The following RAD51B variants were observed in gnomAD, a reference collection of about 807,000 sequenced individuals.
RAD51B encodes the protein DNA repair protein RAD51 homolog 2.
In RAD51B, 38 loss-of-function variants were observed where a neutral mutation model predicts 42.2. The ratio of observed to expected loss-of-function variants is 0.90; its 90% CI spans 0.70 to 1.18. The LOEUF (loss-of-function observed/expected upper bound fraction) is 1.18, where lower values mean the gene tolerates loss of function less well. RAD51B is among the 50% of genes most tolerant of loss of function. The probability of loss-of-function intolerance (pLI) is 0.00; values close to 1 mark genes in which losing one functional copy is unlikely to be tolerated. For missense variants in RAD51B, 373 were observed against 400.7 expected (o/e 0.93, Z 0.59); for synonymous variants, 154 against 145.2 (o/e 1.06, Z -0.43).
At chr14:68,451,496 C>T (rs1220427997) in intron 9 of RAD51B, among the ~76,000 whole-genome samples, 2 of 152,204 alleles carry the variant, frequency 1.3e-5, no homozygotes, top group Non-Finnish European at 1.5e-5. Flanking sequence ...AGCTCTCCTC[C>T]ATCTTACTGA....
At chr14:68,180,477 A>G (rs1447465202) in intron 7 of RAD51B, among the ~76,000 whole-genome samples, 1 of 152,160 alleles carries the variant, frequency 6.6e-6, no homozygotes, top group African/African-American at 2.4e-5. Flanking sequence ...AAAAAGTATC[A>G]TCATGATTAT....
intron 7 of RAD51B, among the ~76,000 whole-genome samples, chr14:68,206,776 G>C (rs987067059): frequency 6.8e-6 from 1 of 146,572 alleles, no homozygotes; most frequent in African/African-American, 2.5e-5. Context: ...ATTTTCCCAA[G>C]AAACCCCAGT....
chr14:68,680,739 A>G (rs1893410248), intron 11 of RAD51B, among the ~76,000 whole-genome samples: 1 of 152,170 alleles, frequency 6.6e-6, no homozygotes, highest in Non-Finnish European at 1.5e-5. Flanking sequence ...GCTTCAGTCC[A>G]GTGGAGTGAC....
At chr14:67,828,618 T>C (rs1594963344) in intron 3 of RAD51B, among the ~76,000 whole-genome samples, 1 of 152,210 alleles carries the variant, frequency 6.6e-6, no homozygotes, top group African/African-American at 2.4e-5. Flanking sequence ...TCCTATAGTT[T>C]TGGATTTTAC....
chr14:68,582,927 C>T (rs1890276279), intron 10 of RAD51B, among the ~76,000 whole-genome samples: 1 of 152,180 alleles, frequency 6.6e-6, no homozygotes, highest in Non-Finnish European at 1.5e-5. Flanking sequence ...ACCACATGTT[C>T]TCACTCATAA....
At chr14:68,283,772 T>C (rs2081364524) in intron 7 of RAD51B, among the ~76,000 whole-genome samples, 1 of 152,206 alleles carries the variant, frequency 6.6e-6, no homozygotes, top group African/African-American at 2.4e-5. Context: ...CACCTATGTC[T>C]ATGGCACGGT....
intron 9 of RAD51B, among the ~76,000 whole-genome samples, chr14:68,450,149 G>T (rs892065764): frequency 4.0e-4 from 59 of 147,702 alleles, no homozygotes; most frequent in African/African-American, 1.3e-3. Flanking sequence ...AGGCGGATAG[G>T]AGCAGAGGGG....
intron 9 of RAD51B, among the ~76,000 whole-genome samples, chr14:68,455,813 G>A (rs2085671497): frequency 6.6e-6 from 1 of 151,950 alleles, no homozygotes; most frequent in Admixed American, 6.6e-5. Flanking sequence ...ATTTTCATTT[G>A]TAAGTCTTTT....
At chr14:67,970,697 T>A (rs2074880125) in intron 7 of RAD51B, among the ~76,000 whole-genome samples, 1 of 152,128 alleles carries the variant, frequency 6.6e-6, no homozygotes, top group Non-Finnish European at 1.5e-5. Flanking sequence ...GATTGGTTGC[T>A]GTTTGTTAGG....
At chr14:68,639,221 T>C (rs754843513) in intron 10 of RAD51B, among the ~76,000 whole-genome samples, 4 of 152,222 alleles carry the variant, frequency 2.6e-5, no homozygotes, top group African/African-American at 4.8e-5. Context: ...ATTTGTTTCT[T>C]GCTCACATAA....
intron 7 of RAD51B, among the ~76,000 whole-genome samples, chr14:67,938,424 T>G (rs892024980): frequency 3.3e-5 from 5 of 152,214 alleles, no homozygotes; most frequent in African/African-American, 4.8e-5. Context: ...GATTTTGAAG[T>G]GACAGTAATT....
chr14:68,524,034 G>A (rs1424291848), intron 10 of RAD51B, among the ~76,000 whole-genome samples: 2 of 152,188 alleles, frequency 1.3e-5, no homozygotes, highest in African/African-American at 2.4e-5. Flanking sequence ...CAGCTATGGT[G>A]TATCACAGCT....
chr14:68,570,515 T>C (rs1265298265), intron 10 of RAD51B, among the ~76,000 whole-genome samples: 1 of 152,226 alleles, frequency 6.6e-6, no homozygotes, highest in Non-Finnish European at 1.5e-5. Context: ...ATCAACTGTT[T>C]ACTAAACACT....
chr14:68,379,660 G>A (rs1260993015), intron 8 of RAD51B, among the ~76,000 whole-genome samples: 5 of 152,226 alleles, frequency 3.3e-5, no homozygotes, highest in Non-Finnish European at 5.9e-5. Flanking sequence ...AAGTTGGTGG[G>A]AAGACAATTT....
intron 4 of RAD51B, among the ~76,000 whole-genome samples, chr14:67,852,828 T>C (rs992730914): frequency 1.3e-5 from 2 of 152,318 alleles, no homozygotes; most frequent in South Asian, 4.1e-4. Flanking sequence ...TCAGAAATGT[T>C]GTAGTAGGCA....
At chr14:68,227,817 A>T (rs1257373378) in intron 7 of RAD51B, among the ~76,000 whole-genome samples, 1 of 152,196 alleles carries the variant, frequency 6.6e-6, no homozygotes, top group Non-Finnish European at 1.5e-5. Flanking sequence ...TGTAAGTATG[A>T]TGGGCATGCC....
chr14:68,578,018 G>A (rs1890039945), intron 10 of RAD51B, among the ~76,000 whole-genome samples: 1 of 152,240 alleles, frequency 6.6e-6, no homozygotes, highest in African/African-American at 2.4e-5. Flanking sequence ...TGATTCTGTG[G>A]TATGTGCTTG....
chr14:68,171,719 G>T (rs1183317754), intron 7 of RAD51B, among the ~76,000 whole-genome samples: 1 of 151,402 alleles, frequency 6.6e-6, no homozygotes, highest in African/African-American at 2.4e-5. Flanking sequence ...TTCTTTTTTT[G>T]TGTGTGTGAC....
chr14:68,669,484 A>G (rs1893107292), intron 11 of RAD51B, among the ~76,000 whole-genome samples: 1 of 152,154 alleles, frequency 6.6e-6, no homozygotes, highest in African/African-American at 2.4e-5. Flanking sequence ...AAACAGGAAG[A>G]CATTTGCCCA....
Sources: gnomAD v4.1 joint callset for allele counts (sites outside exome capture counted in the v4.1 genomes callset) on GRCh38, gnomAD v4.1.1 for gene constraint, MANE v1.5 for transcripts, NCBI Gene and HGNC (gene_info 2026-07-23, HGNC 2026-07-21) for gene names.